LRRC38: variants seen among roughly 807,000 people sequenced by gnomAD.
The protein encoded by LRRC38 is leucine rich repeat containing 38.
LRRC38 carries 5 observed loss-of-function variants against 16.4 expected under a neutral mutation model. That is an observed-to-expected ratio of 0.31 (90% CI 0.16 to 0.64). The LOEUF (loss-of-function observed/expected upper bound fraction) is 0.64. LRRC38 is among the 30% of genes least tolerant of loss of function. The probability of loss-of-function intolerance (pLI) is 0.80; values close to 1 mark genes in which losing one functional copy is unlikely to be tolerated. For missense variants in LRRC38, 341 were observed against 401.8 expected (o/e 0.85, Z 1.29); for synonymous variants, 191 against 190.2 (o/e 1.00, Z -0.04).
At chr1:13,482,018 C>G (rs1638875905) in intron 1 of LRRC38, among the ~76,000 whole-genome samples, 1 of 152,126 alleles carries the variant, frequency 6.6e-6, no homozygotes, top group Non-Finnish European at 1.5e-5. Flanking sequence ...AGATAGTAAC[C>G]TTCTAAGACA....
chr1:13,490,484 A>C (rs1638997129), intron 1 of LRRC38, among the ~76,000 whole-genome samples: 1 of 152,110 alleles, frequency 6.6e-6, no homozygotes. Context: ...CTCTTGGGAA[A>C]AAAGCATGAG....
chr1:13,499,203 A>T (rs1639118149), intron 1 of LRRC38, among the ~76,000 whole-genome samples: 1 of 152,030 alleles, frequency 6.6e-6, no homozygotes, highest in African/African-American at 2.4e-5. Context: ...GGTTCAAGCA[A>T]TTCTCCTGCC....
intron 1 of LRRC38, among the ~76,000 whole-genome samples, chr1:13,489,274 C>T (rs1266966104): frequency 1.3e-5 from 2 of 152,228 alleles, no homozygotes; most frequent in Admixed American, 6.5e-5. Flanking sequence ...GCTGGTAGAA[C>T]AGCTTCCCCT....
chr1:13,484,188 C>T (rs866354526), intron 1 of LRRC38, among the ~76,000 whole-genome samples: 5 of 152,130 alleles, frequency 3.3e-5, no homozygotes, highest in Admixed American at 1.3e-4. Context: ...CTGCCTGGCT[C>T]GCTCCTTCCT....
intron 1 of LRRC38, among the ~76,000 whole-genome samples, chr1:13,497,562 C>T (rs1639094395): frequency 6.6e-6 from 1 of 152,026 alleles, no homozygotes; most frequent in Non-Finnish European, 1.5e-5. Context: ...AACCTGTTGG[C>T]ACCTTGGCTT....
In LRRC38 at chr1:13,499,702, G is replaced by A. The variant is rs569881467; in HGVS notation, c.631+13261C>T. 3.3e-5 allele frequency among the ~76,000 whole-genome samples: 5 copies of A among 152,278 alleles called. No individual in the cohort carries two copies. The East Asian group carries it at 5.8e-4, about 18-fold the overall frequency. On this transcript the variant is annotated intron_variant, in intron 1 of 1. Transcript: ENST00000376085. ...AGGCCAGTGGGAGGGGTGGTCTCAC[G>A]GCCCCAGCCTGAAAAGATAAGGGGA...
chr1:13,498,012 A>AT (rs34152675), intron 1 of LRRC38, among the ~76,000 whole-genome samples: 13,425 of 150,704 alleles, frequency 0.089, 726 homozygotes, highest in Non-Finnish European at 0.11. Flanking sequence ...GCTGGATTAA[A>AT]AAAATATCCA....
At chr1:13,483,160 ATTTAAT>A (rs1638890371) in intron 1 of LRRC38, among the ~76,000 whole-genome samples, 1 of 151,382 alleles carries the variant, frequency 6.6e-6, no homozygotes, top group East Asian at 1.9e-4. Flanking sequence ...TAATTTATTT[ATTTAAT>A]TTTGAGACAG....
rs552093242 is a variant in LRRC38, at chr1:13,482,557, G to A, written c.632-6458C>T. ...ATTACGCCACTGCAATCCAGCTTGCGCTACCGAATAAGACTCCATCTCGGA... is the reference window on the plus strand; with the variant it reads ...ATTACGCCACTGCAATCCAGCTTGCACTACCGAATAAGACTCCATCTCGGA... On this transcript the variant is annotated intron_variant, in intron 1 of 1. Transcript: ENST00000376085. Among the ~76,000 whole-genome samples, 58 of 147,490 alleles carry A rather than the reference G, an allele frequency of 3.9e-4. No homozygotes were observed. In the South Asian group the frequency reaches 6.0e-3, roughly 15 times the overall value.
chr1:13,476,144 C>G, intron 1 of LRRC38, 45 bp from the exon 2 acceptor site: 1 of 1,535,446 alleles, frequency 6.5e-7, no homozygotes, highest in East Asian at 2.5e-5. Context: ...GACTGCAGCT[C>G]AAGGTTGCCT....
At chr1:13,501,195 G>A (rs760982901) in intron 1 of LRRC38, among the ~76,000 whole-genome samples, 8 of 151,796 alleles carry the variant, frequency 5.3e-5, no homozygotes, top group Non-Finnish European at 1.0e-4. Flanking sequence ...TAAATAGTAT[G>A]TGGCATGCTA....
intron 1 of LRRC38, among the ~76,000 whole-genome samples, chr1:13,500,208 T>A (rs1639130421): frequency 6.7e-6 from 1 of 149,330 alleles, no homozygotes; most frequent in Admixed American, 6.7e-5. Flanking sequence ...TGAGCCGAGA[T>A]CATGCCACTG....
chr1:13,480,400 C>A (rs947049557), intron 1 of LRRC38, among the ~76,000 whole-genome samples: 6 of 152,190 alleles, frequency 3.9e-5, no homozygotes, highest in African/African-American at 1.4e-4. Context: ...GTGGGGAGGA[C>A]AAAGTCACCT....
At position 13,494,443 on chromosome 1, in the gene LRRC38, T is replaced by C. The variant is rs557306681; in HGVS notation, c.632-18344A>G. 9.4e-5 allele frequency among the ~76,000 whole-genome samples: 14 copies of C among 149,204 alleles called. No homozygotes were observed. In the South Asian group the frequency reaches 3.0e-3, roughly 32 times the overall value. The stretch of plus-strand genomic sequence containing the variant: ...TCCATTTCTTCCTTGCTATATAATG[T>C]GGTAGGCTTTTTACAGGGACTCTCT... On this transcript the variant is annotated intron_variant, in intron 1 of 1. Transcript: ENST00000376085.
intron 1 of LRRC38, among the ~76,000 whole-genome samples, chr1:13,497,962 C>CAAAAAAAAA (rs370605050): frequency 3.0e-4 from 21 of 68,948 alleles, no homozygotes; most frequent in African/African-American, 1.0e-3. Flanking sequence ...AACTCCATCA[C>CAAAAAAAAA]AAAAAAAAAA....
chr1:13,512,921 G>GCCCCCCCA, intron 1 of LRRC38, 42 bp downstream of exon 1: 3 of 1,246,172 alleles, frequency 2.4e-6, no homozygotes, highest in Non-Finnish European at 3.3e-6. Flanking sequence ...GCCTCTCCCT[G>GCCCCCCCA]CCCCCCTCCC....
intron 1 of LRRC38, among the ~76,000 whole-genome samples, chr1:13,486,977 C>T (rs2100497483): frequency 6.6e-6 from 1 of 152,274 alleles, no homozygotes; most frequent in South Asian, 2.1e-4. Context: ...TCCCAGGACA[C>T]TGAATCTTGG....
Position 13,475,816 on chromosome 1 carries a change from G to A in LRRC38, c.*30C>T, listed in dbSNP as rs1638779556. ...GGAGAGAGCTTCTGGTTCGGTGCTG[G>A]AGAGTAAGAGGCAGGAGGGAGGAGG... On this transcript the variant is annotated 3_prime_UTR_variant, in exon 2 of 2. Coordinates refer to ENST00000376085, the MANE Select transcript of LRRC38 (RefSeq NM_001010847.2). The surrounding 1 kb of genome is among the most constrained non-coding windows in gnomAD (Gnocchi z 4.3). 1 of 1,544,962 alleles carries A rather than the reference G, an allele frequency of 6.5e-7. No individual in the cohort carries two copies. Among genetic ancestry groups the A allele is most frequent in the African/African-American group, 1.4e-5 (1 of 73,048 alleles).
intron 1 of LRRC38, among the ~76,000 whole-genome samples, chr1:13,493,260 G>C (rs1639039316): frequency 6.6e-6 from 1 of 152,126 alleles, no homozygotes; most frequent in African/African-American, 2.4e-5. Context: ...GCCTTCAGCG[G>C]GGCTCGGTGC....
Sources: allele counts gnomAD v4.1 joint callset (sites outside exome capture counted in the v4.1 genomes callset), GRCh38; gene constraint gnomAD v4.1.1; non-coding constraint Gnocchi (gnomAD v3.1); transcripts MANE v1.5; gene names NCBI Gene and HGNC (gene_info 2026-07-23, HGNC 2026-07-21).